The following C3orf33 variants were observed in gnomAD, a reference collection of about 807,000 sequenced individuals.
C3orf33 encodes mitochondrial inner membrane subdomain organizer 1.
In C3orf33, 23 loss-of-function variants were observed where a neutral mutation model predicts 28.7. That is an observed-to-expected ratio of 0.80 (90% CI 0.58 to 1.13). C3orf33 has a LOEUF of 1.13. C3orf33 is among the 50% of genes most tolerant of loss of function. The pLI, the probability that C3orf33 is intolerant of heterozygous loss-of-function variation, is 0.00. For synonymous variants in C3orf33, 119 were observed against 120.5 expected, an observed-to-expected ratio of 0.99 and a Z score of 0.08; for missense variants, 327 against 353.4, an observed-to-expected ratio of 0.93 and a Z score of 0.60.
intron 4 of C3orf33, 67 bp from the exon 5 acceptor site, chr3:155,763,985 T>G: frequency 8.6e-7 from 1 of 1,158,736 alleles, no homozygotes; most frequent in South Asian, 3.4e-5. Context: ...CACATCTTAT[T>G]TACCTTAAAA....
chr3:155,804,112 G>A, intron 1 of C3orf33: 1 of 359,882 alleles, frequency 2.8e-6, no homozygotes, highest in South Asian at 2.1e-5. Flanking sequence ...GGAGGCAGAG[G>A]TTGCAGTGAG....
chr3:155,786,800 C>T (rs1480177979), intron 2 of C3orf33, among the ~76,000 whole-genome samples: 1 of 152,146 alleles, frequency 6.6e-6, no homozygotes, highest in Admixed American at 6.5e-5. Flanking sequence ...CACTGCACTC[C>T]AGCCTGGGCA....
At chr3:155,791,305 G>C (rs75809018) in intron 2 of C3orf33, among the ~76,000 whole-genome samples, 3,029 of 152,180 alleles carry the variant, frequency 0.02, 97 homozygotes, top group African/African-American at 0.07. Context: ...CTTGGGTCTT[G>C]AATAACCAAC....
At chr3:155,793,799 G>A (rs1228322563) in intron 2 of C3orf33, among the ~76,000 whole-genome samples, 3 of 64,638 alleles carry the variant, frequency 4.6e-5, no homozygotes, top group South Asian at 4.8e-4. Flanking sequence ...GACAGAGTGA[G>A]ACTCTGACTC....
chr3:155,767,221 C>T (rs1750437301), intron 4 of C3orf33, among the ~76,000 whole-genome samples: 1 of 152,072 alleles, frequency 6.6e-6, no homozygotes, highest in African/African-American at 2.4e-5. Context: ...CACTGCACTC[C>T]AGCCTGGCAA....
chr3:155,797,215 A>C (rs1751498276), intron 2 of C3orf33, among the ~76,000 whole-genome samples: 1 of 152,132 alleles, frequency 6.6e-6, no homozygotes, highest in African/African-American at 2.4e-5. Flanking sequence ...ACAAACATGA[A>C]CATTTCAATA....
In C3orf33 at chr3:155,790,487, T is replaced by C. The variant is rs142058585; in HGVS notation, c.174+12045A>G. Among the ~76,000 whole-genome samples the C allele has an allele frequency of 4.1e-3, 621 of 152,214 alleles. 5 individuals carry two copies. Among genetic ancestry groups the C allele is most frequent in the African/African-American group, 0.014 (575 of 41,536 alleles). On this transcript the variant is annotated intron_variant, in intron 2 of 4. Transcript: ENST00000340171. ...ATCATCCTCCCCACAGGAATACCAA[T>C]TGAACAACTATCCACACAAGAAAGC...
intron 2 of C3orf33, among the ~76,000 whole-genome samples, chr3:155,796,926 C>T (rs1577436534): frequency 6.6e-6 from 1 of 152,206 alleles, no homozygotes; most frequent in African/African-American, 2.4e-5. Context: ...CATGGTGGCT[C>T]ATGACTGTAA....
intron 2 of C3orf33, among the ~76,000 whole-genome samples, chr3:155,801,731 A>C (rs1256159088): frequency 1.3e-5 from 2 of 151,844 alleles, no homozygotes; most frequent in African/African-American, 2.4e-5. Context: ...GGGAAGTTGG[A>C]GTTATTGTTT....
chr3:155,774,748 A>T lies in C3orf33; in HGVS notation c.322+953T>A, dbSNP rs145343359. On this transcript the variant is annotated intron_variant, in intron 3 of 4. Coordinates refer to ENST00000340171, the MANE Select transcript of C3orf33 (RefSeq NM_001308229.2). ...GCCCAAGAAAATTTTTCTTCTTCCA[A>T]TGTGGCCCAGGGAAGCCAAAAGATT... Among the ~76,000 whole-genome samples, 63 of 143,598 alleles carry T rather than the reference A, an allele frequency of 4.4e-4. 1 individual carries two copies. The East Asian group carries it at 0.012, about 28-fold the overall frequency. The allele number at this position is 143,598 out of a possible 152,430, so 94.2% of individuals were successfully genotyped here.
At chr3:155,787,972 AT>A (rs1751181912) in intron 2 of C3orf33, among the ~76,000 whole-genome samples, 1 of 151,866 alleles carries the variant, frequency 6.6e-6, no homozygotes, top group African/African-American at 2.4e-5. Context: ...CGGGCGGATC[AT>A]GAGGTCAGCA....
Position 155,806,233 on chromosome 3 carries a change from G to C in C3orf33, c.20C>G (p.Ala7Gly). The change falls in exon 1 of 5, where the codon GCC (alanine) becomes GGC (glycine). Residue 7 changes from alanine to glycine, a missense_variant. Coordinates refer to ENST00000340171, the MANE Select transcript of C3orf33 (RefSeq NM_001308229.2). ...CTTGTCGGCAGACGGCGAGCCGGTG[G>C]CCGCGGGCTGCCCCGCCATGTTCCC... MAGQPA[A>G]TGSPSADKDG... 6.8e-7 allele frequency: 1 copy of C among 1,465,686 alleles called. No individual in the cohort carries two copies. The highest frequency in any genetic ancestry group is 9.0e-7 in the Non-Finnish European group (1 of 1,107,574). The allele number at this position is 1,465,686 out of a possible 1,614,324, so 90.8% of individuals were successfully genotyped here.
intron 2 of C3orf33, among the ~76,000 whole-genome samples, chr3:155,788,291 A>G (rs1435968003): frequency 6.6e-6 from 1 of 152,220 alleles, no homozygotes; most frequent in Non-Finnish European, 1.5e-5. Context: ...CAACTGATAT[A>G]GAAAAAAACC....
chr3:155,776,372 T>C (rs1429453265), intron 2 of C3orf33, among the ~76,000 whole-genome samples: 1 of 152,214 alleles, frequency 6.6e-6, no homozygotes, highest in African/African-American at 2.4e-5. Flanking sequence ...AGGACTGTAC[T>C]ACAATCCCTA....
In C3orf33 at chr3:155,763,548, A is replaced by G. The variant is rs1750300552; in HGVS notation, c.854T>C (p.Ile285Thr). The G allele has an allele frequency of 6.5e-7, 1 of 1,535,488 alleles. No individual in the cohort carries two copies. The highest frequency in any genetic ancestry group is 1.4e-5 in the African/African-American group (1 of 70,964). The change falls in exon 5 of 5, where the codon ATA (isoleucine) becomes ACA (threonine). Residue 285 changes from isoleucine to threonine, a missense_variant. Physicochemically the swap from Ile to Thr is moderately conservative, Grantham distance 89 (BLOSUM62 -1). Transcript: ENST00000340171. ...CSLILKFREL[I>T]SRINFRRKG The stretch of plus-strand genomic sequence containing the variant: ...TTTTCTACGAAAGTTTATGCGACTT[A>G]TAAGTTCTCTGAACTTCAGTATTAA...
chr3:155,763,795 T>G lies in C3orf33; in HGVS notation c.607A>C (p.Lys203Gln). Residue 203 changes from lysine to glutamine, a missense_variant, in exon 5 of 5, where the codon AAA becomes CAA. By Grantham distance (53) the Lys-to-Gln change is moderately conservative (BLOSUM62 1). Transcript: ENST00000340171. ...TTTTTTAAGGCTGTTAATTCAGCTT[T>G]AAGTAAGTTTCTGTGAACTGTCCAG... ...IYWTVHRNLL[K>Q]AELTALKKGE... 6.2e-7 allele frequency: 1 copy of G among 1,605,926 alleles called. No homozygotes were observed. The highest frequency in any genetic ancestry group is 8.5e-7 in the Non-Finnish European group (1 of 1,177,068).
intron 2 of C3orf33, among the ~76,000 whole-genome samples, chr3:155,782,833 T>C (rs1400726126): frequency 6.6e-6 from 1 of 152,182 alleles, no homozygotes; most frequent in Non-Finnish European, 1.5e-5. Context: ...AGTAAATACA[T>C]GAGCAATTAT....
At chr3:155,786,365 GCTAAATGGA>G (rs1366342486) in intron 2 of C3orf33, among the ~76,000 whole-genome samples, 4 of 152,040 alleles carry the variant, frequency 2.6e-5, no homozygotes, top group Non-Finnish European at 5.9e-5. Context: ...CAAATCTTTA[GCTAAATGGA>G]CTAAAAAAAG....
intron 2 of C3orf33, among the ~76,000 whole-genome samples, chr3:155,794,815 G>A (rs970921912): frequency 6.6e-6 from 1 of 152,082 alleles, no homozygotes; most frequent in Non-Finnish European, 1.5e-5. Flanking sequence ...AGACAAAGAA[G>A]GTCATTATAT....
Sources: allele counts gnomAD v4.1 joint callset (sites outside exome capture counted in the v4.1 genomes callset), GRCh38; gene constraint gnomAD v4.1.1; transcripts MANE v1.5; gene names NCBI Gene and HGNC (gene_info 2026-07-23, HGNC 2026-07-21).